Variants in MYOF observed in about 807,000 individuals in gnomAD.
MYOF encodes the protein myoferlin, also known as fer-1-like 3, myoferlin.
Under a neutral mutation model 284.2 loss-of-function variants are expected in MYOF, and 244 were observed. The ratio of observed to expected loss-of-function variants is 0.86; its 90% confidence interval spans 0.77 to 0.95. The LOEUF is 0.95. Among genes scored for constraint, MYOF ranks in the 40% least tolerant of loss-of-function variants. The pLI is 0.00. For missense variants in MYOF, 2,496 were observed against 2,560.6 expected (o/e 0.97, Z 0.54); for synonymous variants, 904 against 919.7 (o/e 0.98, Z 0.31).
intron 5 of MYOF, among the ~76,000 whole-genome samples, chr10:93,417,120 C>A (rs1375276968): frequency 2.0e-5 from 3 of 152,198 alleles, no homozygotes; most frequent in African/African-American, 4.8e-5. Flanking sequence ...CCGGCTATGA[C>A]AAGCTCTTCA....
chr10:93,333,450 C>G, intron 42 of MYOF, 138 bp from the exon 43 acceptor site: 1 of 742,830 alleles, frequency 1.3e-6, no homozygotes, highest in South Asian at 1.6e-5. Flanking sequence ...GTGCCTAAGA[C>G]AAGGGAGCAA....
intron 28 of MYOF, 67 bp downstream of exon 28, chr10:93,361,385 A>C: frequency 1.3e-6 from 2 of 1,490,708 alleles, no homozygotes; most frequent in Non-Finnish European, 1.9e-6. Context: ...CTCCCAAGGA[A>C]ACTTTATCCT....
At chr10:93,397,539 CTT>C (rs1847081249) in intron 13 of MYOF, 83 bp from the exon 14 acceptor site, 1 of 979,226 alleles carries the variant, frequency 1.0e-6, no homozygotes, top group Non-Finnish European at 1.5e-6. Flanking sequence ...TAGATTATGA[CTT>C]TAGCAGTTTA....
At chr10:93,452,908 C>A (rs1792771226) in intron 2 of MYOF, among the ~76,000 whole-genome samples, 1 of 151,770 alleles carries the variant, frequency 6.6e-6, no homozygotes, top group South Asian at 2.1e-4. Context: ...ATATACCGAC[C>A]TTTCTGAGAC....
chr10:93,436,453 A>G (rs1849123285), intron 3 of MYOF, among the ~76,000 whole-genome samples: 1 of 151,184 alleles, frequency 6.6e-6, no homozygotes, highest in South Asian at 2.1e-4. Flanking sequence ...TGTAGGGGGG[A>G]CACATAAAAG....
chr10:93,466,477 A>G (rs2057011035), intron 1 of MYOF, among the ~76,000 whole-genome samples: 1 of 152,154 alleles, frequency 6.6e-6, no homozygotes, highest in Non-Finnish European at 1.5e-5. Context: ...CACATTTTCC[A>G]AGGGAGCTGC....
intron 4 of MYOF, among the ~76,000 whole-genome samples, chr10:93,429,705 C>A (rs1848747017): frequency 6.6e-6 from 1 of 152,136 alleles, no homozygotes; most frequent in African/African-American, 2.4e-5. Flanking sequence ...GGGACTGCAT[C>A]TTTTAATGTA....
intron 5 of MYOF, among the ~76,000 whole-genome samples, chr10:93,422,534 T>C (rs945543776): frequency 3.9e-5 from 6 of 152,312 alleles, no homozygotes; most frequent in Non-Finnish European, 7.4e-5. Context: ...TGGTGGCTCA[T>C]ACCTGTAATC....
chr10:93,318,838 C>G (rs1350652287), intron 49 of MYOF, among the ~76,000 whole-genome samples: 1 of 152,136 alleles, frequency 6.6e-6, no homozygotes, highest in African/African-American at 2.4e-5. Flanking sequence ...CGACACAGGG[C>G]TGGTGGCTGG....
chr10:93,356,300 A>C (rs1235058686), intron 30 of MYOF, among the ~76,000 whole-genome samples: 1 of 152,202 alleles, frequency 6.6e-6, no homozygotes, highest in Non-Finnish European at 1.5e-5. Context: ...CGACATCTGT[A>C]TATTTATGAA....
chr10:93,320,764 G>A (rs192226455), intron 48 of MYOF, among the ~76,000 whole-genome samples: 5 of 152,198 alleles, frequency 3.3e-5, no homozygotes, highest in African/African-American at 7.2e-5. Context: ...GGTAACATTC[G>A]ATTTTACACT....
chr10:93,356,820 C>T lies in MYOF; in HGVS notation c.3149G>A (p.Gly1050Asp), dbSNP rs763551395. 6 of 1,613,266 alleles carry T rather than the reference C, an allele frequency of 3.7e-6. No homozygotes were observed. The African/African-American group carries it at 8.0e-5, about 22-fold the overall frequency. The part of the protein sequence containing the change: ...RAMEELQDQE[G>D]WEYASLIGWK... ...GCCAATTAGAGAAGCATATTCCCAG[C>T]CCTCTTGGTCTTGCAATTCCTCCAT... is the stretch of plus-strand genomic sequence containing the variant. Residue 1050 changes from glycine (G) to aspartate (D), a missense_variant, in exon 30 of 54, where the codon GGC (glycine) becomes GAC (aspartate). Gly to Asp is a moderately conservative substitution (Grantham distance 94). Coordinates refer to ENST00000359263, the MANE Select transcript of MYOF (RefSeq NM_013451.4).
chr10:93,344,617 G>A (rs1426112102), intron 37 of MYOF, among the ~76,000 whole-genome samples: 1 of 150,066 alleles, frequency 6.7e-6, no homozygotes, highest in Admixed American at 6.7e-5. Flanking sequence ...AGGGGAAGGA[G>A]AAATATCTAA....
intron 49 of MYOF, among the ~76,000 whole-genome samples, chr10:93,318,192 G>GGGAGAAT (rs1423644550): frequency 6.6e-6 from 1 of 152,170 alleles, no homozygotes; most frequent in Admixed American, 6.5e-5. Context: ...AGGCCAAGGT[G>GGGAGAAT]GGAGAATGGC....
intron 5 of MYOF, among the ~76,000 whole-genome samples, chr10:93,413,701 T>C (rs373848911): frequency 2.6e-4 from 39 of 152,182 alleles, no homozygotes; most frequent in African/African-American, 9.2e-4. Flanking sequence ...TAGAAATGTA[T>C]TCTCTGGCTA....
chr10:93,428,373 G>GT (rs34417274), intron 4 of MYOF, among the ~76,000 whole-genome samples: 3 of 145,458 alleles, frequency 2.1e-5, no homozygotes, highest in East Asian at 2.0e-4. Flanking sequence ...GCTAATTTTT[G>GT]TTTTTTTTTT....
In MYOF at chr10:93,431,521, A is replaced by T. The variant is rs765000324; in HGVS notation, c.237-5T>A. ...ACAGTCGCCGTGCCAATTAATCTGC[A>T]GGGAAAACAGGAAAGCACATAGCAG... On this transcript the variant is annotated splice_polypyrimidine_tract_variant and splice_region_variant and intron_variant, in intron 3 of 53. Transcript: ENST00000359263. 1 of 1,612,400 alleles carries T rather than the reference A, an allele frequency of 6.2e-7. No individual in the cohort carries two copies. The highest frequency in any genetic ancestry group is 8.5e-7 in the Non-Finnish European group (1 of 1,178,718).
At chr10:93,363,845 G>T in intron 27 of MYOF, 116 bp downstream of exon 27, 1 of 754,762 alleles carries the variant, frequency 1.3e-6, no homozygotes, top group Non-Finnish European at 2.2e-6. Context: ...AGACTCTTCA[G>T]AACATAAGAT....
intron 22 of MYOF, among the ~76,000 whole-genome samples, chr10:93,375,734 C>A (rs546454028): frequency 6.6e-6 from 1 of 152,310 alleles, no homozygotes; most frequent in African/African-American, 2.4e-5. Flanking sequence ...TTATCACCAT[C>A]ATCTCATCAG....
Sources: gnomAD v4.1 joint callset for allele counts (sites outside exome capture counted in the v4.1 genomes callset) on GRCh38, gnomAD v4.1.1 for gene constraint, MANE v1.5 for transcripts, NCBI Gene and HGNC (gene_info 2026-07-23, HGNC 2026-07-21) for gene names.